The following KLHL13 variants were observed in gnomAD, a reference collection of about 807,000 sequenced individuals.
KLHL13 encodes kelch-like protein 13.
Under a neutral mutation model 37.1 loss-of-function variants are expected in KLHL13, and 10 were observed. The ratio of observed to expected loss-of-function variants is 0.27; its 90% CI spans 0.17 to 0.46. The LOEUF (loss-of-function observed/expected upper bound fraction) is 0.46, where lower values mean the gene tolerates loss of function less well. Ranked by LOEUF, KLHL13 falls within the 20% of genes least tolerant of loss-of-function variation. The probability of loss-of-function intolerance (pLI) is 1.00; values close to 1 mark genes in which losing one functional copy is unlikely to be tolerated. For missense variants in KLHL13, 360 were observed against 509.3 expected (o/e 0.71, Z 2.82); for synonymous variants, 163 against 181.2 (o/e 0.90, Z 0.81).
rs34640779 is a variant in KLHL13 at position 118,027,648 on chromosome X, T to TACAC, written c.-55-82077_-55-82074dup. Among the ~76,000 whole-genome samples, 819 of 103,806 alleles carry TACAC rather than the reference T, an allele frequency of 7.9e-3. 2 individuals carry two copies. The highest frequency in any genetic ancestry group is 0.012 in the African/African-American group (334 of 28,701). 90.1% of individuals were successfully genotyped at this position (103,806 alleles called of 115,157 possible). On this transcript the variant is annotated intron_variant, in intron 1 of 6. Coordinates refer to the KLHL13 transcript ENST00000371882. ...TCTATTTTTTCTCTCTCTCCACACA[T>TACAC]ACACACACACACACACACACACACT... is the stretch of plus-strand genomic sequence containing the variant.
intron 1 of KLHL13, among the ~76,000 whole-genome samples, chrX:118,033,824 C>G (rs564669114): frequency 1.8e-4 from 20 of 109,100 alleles, no homozygotes; most frequent in Middle Eastern, 4.7e-3. Flanking sequence ...AGACCCATCA[C>G]TGTGCTGTAT....
rs189584928 is a variant in KLHL13 at position 118,030,091 on chromosome X, A to T, written c.-55-84516T>A. 1.4e-3 allele frequency among the ~76,000 whole-genome samples: 152 copies of T among 111,899 alleles called. 1 individual carries two copies. Among genetic ancestry groups the T allele is most frequent in the African/African-American group, 4.5e-3 (140 of 30,885 alleles). On this transcript the variant is annotated intron_variant, in intron 1 of 6. Transcript: ENST00000371882. Reference sequence around the variant, plus strand: ...CAGCCCTCTTCCAGCCCCTGAATTTAAGGAAAAGAAATAGAAGAGGAAAAA... The same window carrying T: ...CAGCCCTCTTCCAGCCCCTGAATTTTAGGAAAAGAAATAGAAGAGGAAAAA...
intron 1 of KLHL13, among the ~76,000 whole-genome samples, chrX:117,969,811 G>T (rs1415544759): frequency 9.0e-6 from 1 of 111,486 alleles, no homozygotes; most frequent in Admixed American, 9.6e-5. Flanking sequence ...TACTATATAA[G>T]ATGCTATTTC....
intron 1 of KLHL13, among the ~76,000 whole-genome samples, chrX:117,949,990 T>C (rs1933503798): frequency 8.9e-6 from 1 of 112,392 alleles, no homozygotes; most frequent in African/African-American, 3.2e-5. Context: ...TGTTTGTAAT[T>C]TCTGAAGGGA....
At chrX:118,087,003 C>T (rs2055061797) in intron 1 of KLHL13, among the ~76,000 whole-genome samples, 3 of 111,035 alleles carry the variant, frequency 2.7e-5, no homozygotes. Context: ...TTTTTTACTG[C>T]TAGACATGAC....
At chrX:118,105,390 A>C (rs766544033) in intron 1 of KLHL13, among the ~76,000 whole-genome samples, 1 of 112,771 alleles carries the variant, frequency 8.9e-6, no homozygotes, top group Non-Finnish European at 1.9e-5. Context: ...TATACATATT[A>C]GGTGTGTAAC....
intron 1 of KLHL13, among the ~76,000 whole-genome samples, chrX:117,970,288 A>G (rs749419678): frequency 1.4e-4 from 16 of 112,211 alleles, no homozygotes; most frequent in Non-Finnish European, 3.0e-4. Flanking sequence ...CTGATGCTAC[A>G]CAAGCATACG....
intron 1 of KLHL13, among the ~76,000 whole-genome samples, chrX:118,069,053 A>G (rs185215979): frequency 9.3e-6 from 1 of 108,042 alleles, no homozygotes; most frequent in Non-Finnish European, 1.9e-5. Context: ...GCTGCTGAGC[A>G]AACAGCGCTT....
At chrX:118,071,531 T>C (rs2054865006) in intron 1 of KLHL13, among the ~76,000 whole-genome samples, 1 of 112,030 alleles carries the variant, frequency 8.9e-6, no homozygotes, top group Non-Finnish European at 1.9e-5. Context: ...TTTTTTCATG[T>C]GTTTTTTGGC....
At position 118,020,597 on chromosome X, in the gene KLHL13, A is replaced by G. The variant is rs1011972542; in HGVS notation, c.-55-75022T>C. Among the ~76,000 whole-genome samples, 3 of 110,967 alleles carry G rather than the reference A, an allele frequency of 2.7e-5. 1 individual carries two copies. The Admixed American group carries it at 2.9e-4, about 11-fold the overall frequency. On this transcript the variant is annotated intron_variant, in intron 1 of 6. Transcript: ENST00000371882. ...AAGTCAGAGTGGCGATTCCTCAGGG[A>G]TCTAGAACTAGAAATACCATTTGAC...
chrX:118,016,453 ACTACT>A (rs2054129411), intron 1 of KLHL13, among the ~76,000 whole-genome samples: 1 of 111,683 alleles, frequency 9.0e-6, no homozygotes, highest in Admixed American at 9.5e-5. Context: ...ACAAAAGAAA[ACTACT>A]CTAAACCATT....
chrX:118,052,820 C>T (rs1425812289), intron 1 of KLHL13, among the ~76,000 whole-genome samples: 1 of 106,807 alleles, frequency 9.4e-6, no homozygotes, highest in Non-Finnish European at 1.9e-5. Flanking sequence ...GAGCAAGACG[C>T]CATCTCAAGA....
intron 1 of KLHL13, among the ~76,000 whole-genome samples, chrX:117,996,766 T>C (rs1261103661): frequency 1.8e-5 from 2 of 108,313 alleles, no homozygotes; most frequent in South Asian, 8.2e-4. Flanking sequence ...TTTCTACGGG[T>C]ACATATACCA....
At chrX:117,973,677 T>C in exon 1 of KLHL13, 1 of 852,834 alleles carries the variant, frequency 1.2e-6, no homozygotes, top group Non-Finnish European at 1.4e-6. Context: ...CAACATGCTG[T>C]AGTAACACAA....
chrX:117,991,714 C>T (rs1345013947), intron 1 of KLHL13, among the ~76,000 whole-genome samples: 1 of 111,239 alleles, frequency 9.0e-6, no homozygotes, highest in Non-Finnish European at 1.9e-5. Flanking sequence ...AAACAACTTG[C>T]AGCCTATAGT....
intron 2 of KLHL13, among the ~76,000 whole-genome samples, chrX:117,927,298 C>T (rs991024064): frequency 2.7e-5 from 3 of 111,868 alleles, no homozygotes; most frequent in Non-Finnish European, 5.6e-5. Flanking sequence ...GGCCTGGATC[C>T]CAAGGCAATT....
At chrX:118,092,662 T>C (rs2055151430) in intron 1 of KLHL13, among the ~76,000 whole-genome samples, 1 of 111,754 alleles carries the variant, frequency 8.9e-6, no homozygotes, top group Non-Finnish European at 1.9e-5. Context: ...TTTCTTTCCT[T>C]CCCCCTCCTC....
At chrX:117,983,895 C>G (rs771452254) in intron 1 of KLHL13, among the ~76,000 whole-genome samples, 1 of 111,225 alleles carries the variant, frequency 9.0e-6, no homozygotes, top group African/African-American at 3.3e-5. Flanking sequence ...AATATATACT[C>G]GCCCCTTGGA....
chrX:118,076,682 C>T (rs1421616266), intron 1 of KLHL13, among the ~76,000 whole-genome samples: 1 of 111,168 alleles, frequency 9.0e-6, no homozygotes. Context: ...GTTGATGAGT[C>T]TCATCCAATC....
Sources: gnomAD v4.1 joint callset for allele counts (sites outside exome capture counted in the v4.1 genomes callset) on GRCh38, gnomAD v4.1.1 for gene constraint, MANE v1.5 for transcripts, NCBI Gene and HGNC (gene_info 2026-07-23, HGNC 2026-07-21) for gene names.